NCOA3: variants seen among roughly 807,000 people sequenced by gnomAD.
The protein encoded by NCOA3 is nuclear receptor coactivator 3.
A neutral mutation model predicts 158.8 loss-of-function variants in NCOA3; 51 were observed. That is an observed-to-expected ratio of 0.32 (90% CI 0.26 to 0.41). The LOEUF is 0.41. Among genes scored for constraint, NCOA3 ranks in the 10% least tolerant of loss-of-function variants. The pLI is 1.00. For synonymous variants in NCOA3, 537 were observed against 592.4 expected, an observed-to-expected ratio of 0.91 and a Z score of 1.36; for missense variants, 1,510 against 1,746.6, an observed-to-expected ratio of 0.86 and a Z score of 2.41.
At chr20:47,608,640 C>CAAAAAAA (rs148545557) in intron 2 of NCOA3, among the ~76,000 whole-genome samples, 1 of 98,680 alleles carries the variant, frequency 1.0e-5, no homozygotes, top group Non-Finnish European at 2.0e-5. Context: ...ACCCTGTCTC[C>CAAAAAAA]AAAAAAAAAA....
At chr20:47,604,868 TTTTA>T (rs1461079145) in intron 2 of NCOA3, among the ~76,000 whole-genome samples, 4 of 152,212 alleles carry the variant, frequency 2.6e-5, no homozygotes, top group African/African-American at 7.2e-5. Context: ...TATTTTTTAT[TTTTA>T]TTTATTTTTT....
intron 1 of NCOA3, among the ~76,000 whole-genome samples, chr20:47,556,131 C>T (rs1233844677): frequency 6.6e-6 from 1 of 151,874 alleles, no homozygotes; most frequent in Admixed American, 6.6e-5. Context: ...GACAGGGTTT[C>T]ACCATGTTGG....
intron 2 of NCOA3, among the ~76,000 whole-genome samples, chr20:47,605,825 G>A (rs2146267614): frequency 6.6e-6 from 1 of 152,262 alleles, no homozygotes; most frequent in South Asian, 2.1e-4. Flanking sequence ...TATATTTGGA[G>A]CAATGGGATA....
intron 1 of NCOA3, among the ~76,000 whole-genome samples, chr20:47,508,702 G>A (rs2084066973): frequency 6.6e-6 from 1 of 152,196 alleles, no homozygotes; most frequent in Non-Finnish European, 1.5e-5. Context: ...GGTGGAAAGA[G>A]CAGCATGATC....
At chr20:47,515,491 CTTTTTT>C (rs996911270) in intron 1 of NCOA3, among the ~76,000 whole-genome samples, 4 of 74,210 alleles carry the variant, frequency 5.4e-5, no homozygotes, top group African/African-American at 2.0e-4. Flanking sequence ...TTTTTTTTTT[CTTTTTT>C]TTAAGACAGG....
At chr20:47,572,537 C>G (rs72662709) in intron 1 of NCOA3, among the ~76,000 whole-genome samples, 6 of 151,500 alleles carry the variant, frequency 4.0e-5, no homozygotes, top group Admixed American at 2.0e-4. Flanking sequence ...TAGCCCCCCC[C>G]ACCTGCCTTT....
intron 1 of NCOA3, among the ~76,000 whole-genome samples, chr20:47,540,907 G>C (rs2084716559): frequency 6.6e-6 from 1 of 152,152 alleles, no homozygotes; most frequent in African/African-American, 2.4e-5. Flanking sequence ...GATATTTTCA[G>C]TTAGTGAGAT....
At chr20:47,525,617 C>T (rs1239016422) in intron 1 of NCOA3, among the ~76,000 whole-genome samples, 3 of 130,140 alleles carry the variant, frequency 2.3e-5, no homozygotes, top group Non-Finnish European at 4.8e-5. Context: ...GGGGGGCTGA[C>T]CCCCCCACCT....
intron 1 of NCOA3, among the ~76,000 whole-genome samples, chr20:47,563,581 C>G (rs577391274): frequency 6.6e-6 from 1 of 152,196 alleles, no homozygotes; most frequent in South Asian, 2.1e-4. Context: ...CCTGTAATCC[C>G]AGCAGTTTAA....
intron 1 of NCOA3, among the ~76,000 whole-genome samples, chr20:47,549,368 A>T (rs1191344040): frequency 6.8e-6 from 1 of 146,588 alleles, no homozygotes; most frequent in East Asian, 2.2e-4. Flanking sequence ...CAAAAAATTA[A>T]AAAAAAAAAT....
intron 19 of NCOA3, among the ~76,000 whole-genome samples, chr20:47,650,689 C>T (rs749881434): frequency 6.6e-6 from 1 of 151,876 alleles, no homozygotes; most frequent in Non-Finnish European, 1.5e-5. Flanking sequence ...CATGGTGAAG[C>T]ACTATCTCTA....
At chr20:47,525,651 C>T (rs1188812501) in intron 1 of NCOA3, among the ~76,000 whole-genome samples, 8 of 129,180 alleles carry the variant, frequency 6.2e-5, no homozygotes, top group Non-Finnish European at 1.0e-4. Context: ...GGCGGCTGGC[C>T]GGACGGGGGG....
chr20:47,515,507 G>T (rs1258686206), intron 1 of NCOA3, among the ~76,000 whole-genome samples: 1 of 145,110 alleles, frequency 6.9e-6, no homozygotes, highest in Admixed American at 7.1e-5. Flanking sequence ...TTTAAGACAG[G>T]TCACTGGGTC....
chr20:47,618,580 C>T (rs2086183690), intron 2 of NCOA3, among the ~76,000 whole-genome samples: 1 of 152,094 alleles, frequency 6.6e-6, no homozygotes. Flanking sequence ...TCTCGAACTC[C>T]CGACCTCAGG....
chr20:47,612,054 C>G lies in NCOA3; in HGVS notation c.-19-10175C>G, dbSNP rs548383713. On this transcript the variant is annotated intron_variant, in intron 2 of 22. Coordinates refer to ENST00000371998, the MANE Select transcript of NCOA3 (RefSeq NM_181659.3). Reference sequence around the variant, plus strand: ...TTTGCCCAGGCTGGTCTTGAAGTCCCGGGTTCAAGCTGTCCTCTCATCTTG... The same window carrying G: ...TTTGCCCAGGCTGGTCTTGAAGTCCGGGGTTCAAGCTGTCCTCTCATCTTG... 2.0e-5 allele frequency among the ~76,000 whole-genome samples: 3 copies of G among 152,240 alleles called. No homozygotes were observed. The East Asian group carries it at 5.8e-4, about 29-fold the overall frequency.
In NCOA3 at chr20:47,637,821, T is replaced by C. The variant is rs373332950; in HGVS notation, c.2512+38T>C. The C allele has an allele frequency of 1.9e-6, 3 of 1,563,396 alleles. No homozygotes were observed. In the African/African-American group the frequency reaches 4.2e-5, roughly 22 times the overall value. ...TAGGTTTTTTTTTTTTTTGCTGCCT[T>C]TGAAACTTTTCTGCATACCTGTAAA... On this transcript the variant is annotated intron_variant, in intron 13 of 22. Coordinates refer to ENST00000371998, the MANE Select transcript of NCOA3 (RefSeq NM_181659.3).
At chr20:47,546,473 G>C (rs1011822757) in intron 1 of NCOA3, among the ~76,000 whole-genome samples, 4 of 151,368 alleles carry the variant, frequency 2.6e-5, no homozygotes, top group African/African-American at 9.7e-5. Context: ...ATTTCACCCG[G>C]AGTAGAAATG....
At chr20:47,517,750 C>T (rs1031525285) in intron 1 of NCOA3, among the ~76,000 whole-genome samples, 5 of 151,944 alleles carry the variant, frequency 3.3e-5, no homozygotes, top group African/African-American at 1.2e-4. Context: ...CACGCCTGGC[C>T]AATTACATTT....
chr20:47,511,613 C>T (rs1413210225), intron 1 of NCOA3, among the ~76,000 whole-genome samples: 1 of 129,876 alleles, frequency 7.7e-6, no homozygotes, highest in East Asian at 2.4e-4. Context: ...TGCACTGGTG[C>T]TATCTCAGAT....
Sources: gnomAD v4.1 joint callset for allele counts (sites outside exome capture counted in the v4.1 genomes callset) on GRCh38, gnomAD v4.1.1 for gene constraint, MANE v1.5 for transcripts, NCBI Gene and HGNC (gene_info 2026-07-23, HGNC 2026-07-21) for gene names.